Variants in CYP3A43 observed in about 807,000 individuals in gnomAD.
CYP3A43 encodes cytochrome P450 3A43.
CYP3A43 carries 45 observed loss-of-function variants against 58.0 expected under a neutral mutation model. The ratio of observed to expected loss-of-function variants is 0.78; its 90% confidence interval spans 0.61 to 0.99. The LOEUF (loss-of-function observed/expected upper bound fraction) is 0.99. CYP3A43 is among the 50% of genes least tolerant of loss of function. The pLI is 0.00. For missense variants in CYP3A43, 593 were observed against 591.9 expected (o/e 1.00, Z -0.02); for synonymous variants, 191 against 201.4 (o/e 0.95, Z 0.44).
chr7:99,852,535 G>C (rs1817801228), intron 7 of CYP3A43, among the ~76,000 whole-genome samples: 1 of 152,088 alleles, frequency 6.6e-6, no homozygotes, highest in Non-Finnish European at 1.5e-5. Flanking sequence ...TTCCTGATAA[G>C]TGTATCACTA....
At chr7:99,831,938 AT>A (rs1372218384) in intron 1 of CYP3A43, among the ~76,000 whole-genome samples, 3 of 152,214 alleles carry the variant, frequency 2.0e-5, no homozygotes, top group African/African-American at 7.2e-5. Flanking sequence ...TGTAGTTTAT[AT>A]CAATCAAATC....
intron 3 of CYP3A43, among the ~76,000 whole-genome samples, chr7:99,839,620 G>A (rs931620984): frequency 2.0e-5 from 3 of 152,132 alleles, no homozygotes; most frequent in African/African-American, 7.2e-5. Context: ...GATATAGGGG[G>A]TCTCCCTATA....
chr7:99,862,271 G>A (rs935061566), intron 11 of CYP3A43, among the ~76,000 whole-genome samples: 2 of 152,008 alleles, frequency 1.3e-5, no homozygotes, highest in African/African-American at 4.8e-5. Flanking sequence ...GTGCCCTTTA[G>A]CTCTCTGAAT....
At chr7:99,854,049 G>C (rs959136533) in intron 7 of CYP3A43, among the ~76,000 whole-genome samples, 1 of 152,068 alleles carries the variant, frequency 6.6e-6, no homozygotes, top group African/African-American at 2.4e-5. Flanking sequence ...ATTTTAAAAT[G>C]TACAGTTATT....
rs76603097 is a variant in CYP3A43, at chr7:99,834,586, T to G, written c.72-1867T>G. The stretch of plus-strand genomic sequence containing the variant: ...AGGCCAGAGGGTGCTTTCTAAGCAT[T>G]TGGAGCCTCTAGCCGATGCCAAGTG... On this transcript the variant is annotated intron_variant, in intron 1 of 12. Transcript: ENST00000354829. Among the ~76,000 whole-genome samples the G allele has an allele frequency of 9.0e-3, 1,368 of 152,254 alleles. 21 individuals are homozygous for G. The highest frequency in any genetic ancestry group is 0.03 in the African/African-American group (1,255 of 41,546).
chr7:99,847,432 A>T, intron 4 of CYP3A43, 56 bp from the exon 5 acceptor site: 1 of 1,562,024 alleles, frequency 6.4e-7, no homozygotes, highest in East Asian at 2.3e-5. Flanking sequence ...ATTTTCTACA[A>T]CTATGGAGAT....
rs530106135 is a variant in CYP3A43, at chr7:99,853,657, A to G, written c.671-1934A>G. On this transcript the variant is annotated intron_variant, in intron 7 of 12. Transcript: ENST00000354829. ...CTGCAACCTCCACCTCCTGGGGTCA[A>G]GCTATTCTCCTGCCTCAGCCTCCAG... 6.1e-4 allele frequency among the ~76,000 whole-genome samples: 93 copies of G among 152,280 alleles called. 2 individuals carry two copies. In the South Asian group the frequency reaches 0.018, roughly 29 times the overall value.
At chr7:99,840,550 T>A (rs1817290152) in intron 3 of CYP3A43, among the ~76,000 whole-genome samples, 1 of 152,210 alleles carries the variant, frequency 6.6e-6, no homozygotes, top group Admixed American at 6.5e-5. Context: ...CTCTGTCTTT[T>A]CACATGTAAA....
chr7:99,828,162 C>T lies in CYP3A43; in HGVS notation c.47C>T (p.Ala16Val). 1.9e-6 allele frequency: 3 copies of T among 1,612,812 alleles called. No individual in the cohort carries two copies. The highest frequency in any genetic ancestry group is 2.5e-6 in the Non-Finnish European group (3 of 1,179,210). The change falls in exon 1 of 13, where the codon GCT becomes GTT. Residue 16 changes from alanine to valine, a missense_variant. Coordinates refer to ENST00000354829, the MANE Select transcript of CYP3A43 (RefSeq NM_057095.3). ...NFAMETWVLV[A>V]TSLVLLYIYG... ...GCCATGGAAACATGGGTTCTTGTGG[C>T]TACCAGCCTGGTACTCCTCTATATG...
intron 9 of CYP3A43, 97 bp from the exon 10 acceptor site, chr7:99,859,733 C>G (rs116373543): frequency 2.7e-6 from 4 of 1,505,380 alleles, no homozygotes; most frequent in South Asian, 1.2e-5. Flanking sequence ...TATTTTTGCT[C>G]TTAGGGATTT....
intron 7 of CYP3A43, among the ~76,000 whole-genome samples, chr7:99,851,667 T>C (rs1465335349): frequency 6.6e-6 from 1 of 152,224 alleles, no homozygotes; most frequent in Non-Finnish European, 1.5e-5. Flanking sequence ...ATATTCTACA[T>C]ACAACTTCCT....
At position 99,863,714 on chromosome 7, in the gene CYP3A43, T is replaced by C. The variant is rs762955310; in HGVS notation, c.1416+15T>C. 3 of 1,539,010 alleles carry C rather than the reference T, an allele frequency of 1.9e-6. No individual in the cohort carries two copies. Among genetic ancestry groups the C allele is most frequent in the South Asian group, 2.6e-5 (2 of 76,752 alleles). On this transcript the variant is annotated intron_variant, in intron 12 of 12. Coordinates refer to ENST00000354829, the MANE Select transcript of CYP3A43 (RefSeq NM_057095.3). ...AAGAGACTCAGGTCAGTAAACTTTCTTATAAATAATGTTTATTGGGAGTTT... is the reference window on the plus strand; with the variant it reads ...AAGAGACTCAGGTCAGTAAACTTTCCTATAAATAATGTTTATTGGGAGTTT...
chr7:99,847,294 T>A (rs2151606398), intron 4 of CYP3A43, among the ~76,000 whole-genome samples, 194 bp from the exon 5 acceptor site: 1 of 151,504 alleles, frequency 6.6e-6, no homozygotes, highest in East Asian at 1.9e-4. Context: ...GATTCCACCA[T>A]CCCCCTTCCA....
intron 6 of CYP3A43, 35 bp from the exon 7 acceptor site, chr7:99,849,511 G>C (rs1817664195): frequency 6.4e-7 from 1 of 1,570,850 alleles, no homozygotes; most frequent in African/African-American, 1.4e-5. Context: ...GTAAAGAGGT[G>C]CTGGTTTTAA....
chr7:99,859,110 A>G (rs1181664871), intron 9 of CYP3A43, among the ~76,000 whole-genome samples: 1 of 152,130 alleles, frequency 6.6e-6, no homozygotes, highest in Non-Finnish European at 1.5e-5. Flanking sequence ...GTGCCCTAGG[A>G]ACTCTATTAC....
chr7:99,862,978 G>A (rs1188193269), intron 11 of CYP3A43, among the ~76,000 whole-genome samples: 2 of 152,164 alleles, frequency 1.3e-5, no homozygotes, highest in Non-Finnish European at 2.9e-5. Context: ...GATAGTAAGT[G>A]GTTACCGTGT....
At chr7:99,857,941 GTCTA>G (rs1351623721) in intron 9 of CYP3A43, among the ~76,000 whole-genome samples, 1 of 152,028 alleles carries the variant, frequency 6.6e-6, no homozygotes, top group Non-Finnish European at 1.5e-5. Flanking sequence ...TCATCTACTT[GTCTA>G]TCTATGTGTC....
intron 7 of CYP3A43, among the ~76,000 whole-genome samples, chr7:99,852,150 G>A (rs1384879926): frequency 1.3e-5 from 2 of 152,136 alleles, no homozygotes; most frequent in African/African-American, 4.8e-5. Context: ...ATTCTATTCT[G>A]TTGAACTATA....
In CYP3A43 at chr7:99,863,716, A is replaced by G. The variant is rs2151628597; in HGVS notation, c.1416+17A>G. ...GAGACTCAGGTCAGTAAACTTTCTT[A>G]TAAATAATGTTTATTGGGAGTTTTT... On this transcript the variant is annotated intron_variant, in intron 12 of 12. Transcript: ENST00000354829. 6.5e-7 allele frequency: 1 copy of G among 1,530,516 alleles called. No homozygotes were observed. The highest frequency in any genetic ancestry group is 2.3e-5 in the East Asian group (1 of 43,160). The allele number at this position is 1,530,516 out of a possible 1,614,324, so 94.8% of individuals were successfully genotyped here.
Sources: gnomAD v4.1 joint callset for allele counts (sites outside exome capture counted in the v4.1 genomes callset) on GRCh38, gnomAD v4.1.1 for gene constraint, MANE v1.5 for transcripts, NCBI Gene and HGNC (gene_info 2026-07-23, HGNC 2026-07-21) for gene names.